The following DEPDC4 variants were observed in gnomAD, a reference collection of about 807,000 sequenced individuals.
DEPDC4 encodes DEP domain containing 4.
DEPDC4 carries 52 observed loss-of-function variants against 52.0 expected under a neutral mutation model. That is an observed-to-expected ratio of 1.00 (90% CI 0.80 to 1.26). DEPDC4 has a LOEUF of 1.26. DEPDC4 is among the 50% of genes most tolerant of loss of function. The probability of loss-of-function intolerance (pLI) is 0.00; values close to 1 mark genes in which losing one functional copy is unlikely to be tolerated. For synonymous variants in DEPDC4, 201 were observed against 196.8 expected, an observed-to-expected ratio of 1.02 and a Z score of -0.18; for missense variants, 530 against 546.9, an observed-to-expected ratio of 0.97 and a Z score of 0.31.
At chr12:100,255,696 C>T (rs2096229660) in intron 4 of DEPDC4, among the ~76,000 whole-genome samples, 1 of 152,082 alleles carries the variant, frequency 6.6e-6, no homozygotes, top group Non-Finnish European at 1.5e-5. Context: ...TGTATGTCTC[C>T]CCCTTCTAGA....
intron 5 of DEPDC4, 128 bp downstream of exon 5, chr12:100,253,361 C>T (rs2096216913): frequency 5.5e-6 from 2 of 363,508 alleles, no homozygotes; most frequent in Admixed American, 8.2e-5. Context: ...TCTTGAAGTA[C>T]CTTGACATCA....
At chr12:100,231,679 T>G (rs1444388786) in intron 9 of DEPDC4, among the ~76,000 whole-genome samples, 1 of 152,216 alleles carries the variant, frequency 6.6e-6, no homozygotes, top group Non-Finnish European at 1.5e-5. Context: ...TGTTGCTAAT[T>G]TAATGGTTAG....
chr12:100,254,471 G>A (rs1466379074), intron 4 of DEPDC4, among the ~76,000 whole-genome samples: 1 of 150,814 alleles, frequency 6.6e-6, no homozygotes, highest in African/African-American at 2.4e-5. Context: ...GACTATAGGC[G>A]TGCACCATCA....
upstream of DEPDC4, among the ~76,000 whole-genome samples, chr12:100,270,499 C>T (rs1335904200): frequency 2.0e-5 from 3 of 152,032 alleles, no homozygotes; most frequent in Non-Finnish European, 2.9e-5. Context: ...CTATAGTTCA[C>T]TAAATACATG....
chr12:100,251,584 T>G (rs2153909468), intron 7 of DEPDC4, among the ~76,000 whole-genome samples: 1 of 151,920 alleles, frequency 6.6e-6, no homozygotes, highest in South Asian at 2.1e-4. Context: ...TTTTTTTTTT[T>G]TGAGGCGGAA....
upstream of DEPDC4, chr12:100,267,413 C>T (rs1035304092): frequency 3.0e-5 from 6 of 200,944 alleles, no homozygotes; most frequent in Admixed American, 6.0e-5. Flanking sequence ...GACCGGCCGC[C>T]GGCACCGACC....
intron 4 of DEPDC4, among the ~76,000 whole-genome samples, chr12:100,255,042 C>A (rs1313706037): frequency 6.6e-6 from 1 of 152,290 alleles, no homozygotes; most frequent in East Asian, 1.9e-4. Flanking sequence ...CTTTTTTTCT[C>A]CTGACAGATG....
chr12:100,243,081 G>T (rs1323967376), intron 8 of DEPDC4, among the ~76,000 whole-genome samples: 1 of 152,048 alleles, frequency 6.6e-6, no homozygotes, highest in Non-Finnish European at 1.5e-5. Context: ...CATCATAAGA[G>T]ATTAACAGCA....
the DEPDC4 span, among the ~76,000 whole-genome samples, chr12:100,276,230 A>G: frequency 2.0e-5 from 3 of 152,148 alleles, no homozygotes; most frequent in Admixed American, 2.0e-4. Context: ...TTTTCCTTAA[A>G]TGTTTGATGA....
chr12:100,239,432 G>C (rs542711885), downstream of DEPDC4, among the ~76,000 whole-genome samples: 1 of 151,676 alleles, frequency 6.6e-6, no homozygotes, highest in Non-Finnish European at 1.5e-5. Context: ...CTGGAGTGCA[G>C]TGGTACACTC....
In DEPDC4 at chr12:100,240,452, C is replaced by T. The variant is rs529813756; in HGVS notation, c.*1440G>A. On this transcript the variant is annotated 3_prime_UTR_variant, in exon 10 of 10. Coordinates refer to ENST00000550587, the MANE Select transcript of DEPDC4 (RefSeq NM_001364818.2). ...AAAGTGCCGGGACTACAGGCATGGG[C>T]CACCAAGGTTGGCCCATAAGAATTT... Among the ~76,000 whole-genome samples the T allele has an allele frequency of 2.4e-4, 37 of 152,276 alleles. No homozygotes were observed. Among genetic ancestry groups the T allele is most frequent in the Admixed American group, 3.9e-4 (6 of 15,298 alleles).
intron 4 of DEPDC4, among the ~76,000 whole-genome samples, chr12:100,255,117 A>C (rs1382730586): frequency 6.6e-6 from 1 of 152,214 alleles, no homozygotes; most frequent in Non-Finnish European, 1.5e-5. Context: ...GCAGATGAAA[A>C]GACTAATGAC....
intron 3 of DEPDC4, among the ~76,000 whole-genome samples, chr12:100,256,457 T>G (rs867671263): frequency 6.6e-6 from 1 of 152,152 alleles, no homozygotes; most frequent in Non-Finnish European, 1.5e-5. Context: ...TCTGTTATGC[T>G]GATTATAAAG....
intron 8 of DEPDC4, among the ~76,000 whole-genome samples, chr12:100,243,767 C>T (rs892558965): frequency 1.6e-4 from 24 of 151,956 alleles, no homozygotes; most frequent in African/African-American, 5.1e-4. Flanking sequence ...TCTCATCATA[C>T]ATCCAGTCTT....
chr12:100,241,870 A>T, intron 9 of DEPDC4, 25 bp from the exon 10 acceptor site: 1 of 1,193,528 alleles, frequency 8.4e-7, no homozygotes. Context: ...AAAAAACAAA[A>T]GAAAAAGAAA....
chr12:100,267,195 T>G, upstream of DEPDC4: 1 of 1,096,178 alleles, frequency 9.1e-7, no homozygotes, highest in Non-Finnish European at 1.3e-6. Context: ...TCCCCCTCCC[T>G]TACTCTTCGT....
At chr12:100,281,315 G>T in the DEPDC4 span, among the ~76,000 whole-genome samples, 1 of 152,020 alleles carries the variant, frequency 6.6e-6, no homozygotes, top group Admixed American at 6.6e-5. Context: ...AAGCCTGAAT[G>T]CTTCTTTATT....
In DEPDC4 at chr12:100,253,712, G is replaced by C. The variant is rs951644749; in HGVS notation, c.882C>G (p.Ile294Met). 7.8e-7 allele frequency: 1 copy of C among 1,282,740 alleles called. No homozygotes were observed. Among genetic ancestry groups the C allele is most frequent in the East Asian group, 5.6e-5 (1 of 17,932 alleles). The allele number at this position is 1,282,740 out of a possible 1,614,324, so 79.5% of individuals were successfully genotyped here. Residue 294 changes from isoleucine to methionine, a missense_variant, in exon 5 of 10, where the codon ATC becomes ATG. Transcript: ENST00000550587. ...CAATTGCTGCATTAAGCCAGTTATCGATTCTAGAGGGAAAATGCAAACCAA... is the reference window on the plus strand; with the variant it reads ...CAATTGCTGCATTAAGCCAGTTATCCATTCTAGAGGGAAAATGCAAACCAA... ...ELIPSLCLPEIDNWLNAAIEC... is the reference protein window; with the variant it reads ...ELIPSLCLPEMDNWLNAAIEC...
the DEPDC4 span, among the ~76,000 whole-genome samples, chr12:100,274,776 A>T: frequency 6.6e-6 from 1 of 152,232 alleles, no homozygotes; most frequent in Non-Finnish European, 1.5e-5. Context: ...CAGGCAAATC[A>T]ATTTTAGGAA....
Sources: allele counts gnomAD v4.1 joint callset (sites outside exome capture counted in the v4.1 genomes callset), GRCh38; gene constraint gnomAD v4.1.1; transcripts MANE v1.5; gene names NCBI Gene and HGNC (gene_info 2026-07-23, HGNC 2026-07-21).